The following RPUSD3 variants were observed in gnomAD, a reference collection of about 807,000 sequenced individuals.
RPUSD3 encodes RNA pseudouridine synthase D3, also known as mitochondrial mRNA pseudouridine synthase RPUSD3.
A neutral mutation model predicts 35.1 loss-of-function variants in RPUSD3; 36 were observed. The ratio of observed to expected loss-of-function variants is 1.02; its 90% confidence interval spans 0.79 to 1.35. RPUSD3 has a LOEUF of 1.35. RPUSD3 is among the 40% of genes most tolerant of loss of function. The pLI is 0.00. For synonymous variants in RPUSD3, 202 were observed against 187.8 expected, an observed-to-expected ratio of 1.08 and a Z score of -0.62; for missense variants, 486 against 441.9, an observed-to-expected ratio of 1.10 and a Z score of -0.89.
Position 9,839,458 on chromosome 3 carries a change from T to C in RPUSD3, c.725-287A>G, listed in dbSNP as rs149451765. Reference sequence around the variant, plus strand: ...GGACTGTTCTTTCCTGTTGGGGTGCTAGCCTGAAGCTGCCTCCTCTAGCTG... The same window carrying C: ...GGACTGTTCTTTCCTGTTGGGGTGCCAGCCTGAAGCTGCCTCCTCTAGCTG... On this transcript the variant is annotated intron_variant, in intron 7 of 8. Transcript: ENST00000383820. 127 of 261,870 alleles carry C rather than the reference T, an allele frequency of 4.8e-4. 2 individuals carry two copies. The East Asian group carries it at 9.0e-3, about 18-fold the overall frequency. 16.2% of individuals were successfully genotyped at this position (261,870 alleles called of 1,614,324 possible). A position where few individuals can be genotyped will look rare whatever the true frequency, so the allele number is the denominator to read the frequency against.
At chr3:9,838,631 G>A (rs531593136) in intron 8 of RPUSD3, among the ~76,000 whole-genome samples, 1 of 152,268 alleles carries the variant, frequency 6.6e-6, no homozygotes, top group East Asian at 1.9e-4. Flanking sequence ...TTGAAGCAGA[G>A]CCCACTCCCA....
exon 6 of RPUSD3, chr3:9,840,574 G>C (rs1426654290): frequency 6.2e-7 from 1 of 1,613,956 alleles, no homozygotes; most frequent in African/African-American, 1.3e-5. Flanking sequence ...GGGCAGCCTG[G>C]ATCTTCCCCT....
At chr3:9,838,945 A>G (rs772971239) in intron 8 of RPUSD3, 87 bp downstream of exon 8, 5 of 1,592,538 alleles carry the variant, frequency 3.1e-6, no homozygotes, top group East Asian at 2.2e-5. Flanking sequence ...AGTAGTCCCA[A>G]GCTGCACAGA....
At chr3:9,843,966 G>C (rs141833886) in exon 1 of RPUSD3, 2 of 1,608,252 alleles carry the variant, frequency 1.2e-6, no homozygotes, top group Admixed American at 1.7e-5. Context: ...CTCCAGAACC[G>C]GCCCAAAACA....
chr3:9,843,280 C>T, intron 2 of RPUSD3, 185 bp downstream of exon 2: 1 of 765,842 alleles, frequency 1.3e-6, no homozygotes, highest in Non-Finnish European at 2.1e-6. Context: ...CCACTCTTAA[C>T]CCTACTGCAT....
exon 6 of RPUSD3, chr3:9,840,537 T>A (rs764908753): frequency 6.2e-7 from 1 of 1,614,012 alleles, no homozygotes; most frequent in South Asian, 1.1e-5. Context: ...CTCACGAGAT[T>A]GACCCCATCA....
chr3:9,843,519 G>A (rs377038179), exon 2 of RPUSD3: 2 of 1,614,058 alleles, frequency 1.2e-6, no homozygotes, highest in Admixed American at 1.7e-5. Flanking sequence ...TCCCGACTGA[G>A]GTTTTTTGGC....
In RPUSD3 at chr3:9,840,307, T is replaced by C. The variant is rs770155534; in HGVS notation, c.601A>G (p.Thr201Ala). Residue 201 changes from threonine (T) to alanine (A), a missense_variant and splice_region_variant, in exon 7 of 9, where the codon ACA becomes GCA. By Grantham distance (58) the Thr-to-Ala change is moderately conservative. Coordinates refer to ENST00000383820, the Ensembl canonical transcript of RPUSD3. ...CGGGATGGGGCCTTCACTGGAACTG[T>C]CTGTGGTGCCAGCCAAGAGTGAACA... is the stretch of plus-strand genomic sequence containing the variant. 3 of 1,614,088 alleles carry C rather than the reference T, an allele frequency of 1.9e-6. No homozygotes were observed. The South Asian group carries it at 3.3e-5, about 18-fold the overall frequency.
At chr3:9,843,996 G>A in exon 1 of RPUSD3, 3 of 1,593,472 alleles carry the variant, frequency 1.9e-6, no homozygotes, top group Non-Finnish European at 2.6e-6. Context: ...TCCATCTCCC[G>A]AGCCAGGACA....
chr3:9,839,291 G>T, intron 7 of RPUSD3, 120 bp from the exon 8 acceptor site: 1 of 1,169,096 alleles, frequency 8.6e-7, no homozygotes, highest in Non-Finnish European at 1.2e-6. Flanking sequence ...ATATGTTTCA[G>T]TGAGGTCAGT....
chr3:9,838,019 T>C, exon 9 of RPUSD3: 1 of 1,563,680 alleles, frequency 6.4e-7, no homozygotes, highest in Non-Finnish European at 8.7e-7. Context: ...GGGAGGACTA[T>C]TGTAAGCGGA....
chr3:9,839,807 A>C (rs1333696282), intron 7 of RPUSD3: 1 of 170,476 alleles, frequency 5.9e-6, no homozygotes, highest in African/African-American at 2.4e-5. Context: ...CGAACTCCTG[A>C]CCTCAAGTGA....
chr3:9,841,644 T>G, intron 4 of RPUSD3: 1 of 187,212 alleles, frequency 5.3e-6, no homozygotes. Context: ...AAAGTTTTGT[T>G]GTTGTTTTTC....
At chr3:9,843,739 T>C (rs761662028) in intron 1 of RPUSD3, 138 bp from the exon 2 acceptor site, 1 of 1,542,328 alleles carries the variant, frequency 6.5e-7, no homozygotes, top group Non-Finnish European at 8.8e-7. Flanking sequence ...AAAATTCAGG[T>C]ACGACCGGTC....
chr3:9,838,011 G>T, exon 9 of RPUSD3: 1 of 1,555,980 alleles, frequency 6.4e-7, no homozygotes, highest in South Asian at 1.2e-5. Flanking sequence ...GGAACAGAGG[G>T]AGGACTATTG....
At chr3:9,840,935 G>T in intron 4 of RPUSD3, 130 bp from the exon 5 acceptor site, 1 of 598,998 alleles carries the variant, frequency 1.7e-6, no homozygotes, top group Non-Finnish European at 2.9e-6. Context: ...ACCAACTCCT[G>T]AGAAACAAGT....
intron 2 of RPUSD3, chr3:9,842,559 A>C (rs2082119294): frequency 4.4e-6 from 2 of 458,174 alleles, no homozygotes; most frequent in Non-Finnish European, 8.0e-6. Context: ...CACCATCATA[A>C]CACCCTGTTT....
chr3:9,839,159 TGACTG>T lies in RPUSD3; in HGVS notation c.732_736del (p.Ser245ThrfsTer35). On this transcript the variant is annotated frameshift_variant, in exon 8 of 9. Coordinates refer to ENST00000383820, the Ensembl canonical transcript of RPUSD3. LOFTEE classifies it high-confidence loss of function. Reference sequence around the variant, plus strand: ...CTGTAGTACCATGTGCACCTGTAGTTGACTGGAGAACACTGGGCAACAGGAAAGCC... The same window carrying T: ...CTGTAGTACCATGTGCACCTGTAGTTGAGAACACTGGGCAACAGGAAAGCC... The T allele has an allele frequency of 6.2e-7, 1 of 1,611,622 alleles. No homozygotes were observed. The highest frequency in any genetic ancestry group is 8.5e-7 in the Non-Finnish European group (1 of 1,178,036).
chr3:9,843,576 AGGAGCCGCGG>A lies in RPUSD3; in HGVS notation c.141_150del (p.Arg48AlafsTer40), dbSNP rs2082135347. On this transcript the variant is annotated frameshift_variant, in exon 2 of 9. Coordinates refer to ENST00000383820, the Ensembl canonical transcript of RPUSD3. LOFTEE classifies it high-confidence loss of function. ...TCCCCGAGGGGCCCCGACCGTTGGC[AGGAGCCGCGG>A]GGTTGCCTCTGATGCCTGGACAAGG... 3.1e-6 allele frequency: 5 copies of A among 1,613,632 alleles called. No homozygotes were observed. In the Admixed American group the frequency reaches 8.3e-5, roughly 27 times the overall value.
Sources: gnomAD v4.1 joint callset for allele counts (sites outside exome capture counted in the v4.1 genomes callset) on GRCh38, gnomAD v4.1.1 for gene constraint, MANE v1.5 for transcripts, NCBI Gene and HGNC (gene_info 2026-07-23, HGNC 2026-07-21) for gene names.